LGI1: variants seen among roughly 807,000 people sequenced by gnomAD.
LGI1 encodes leucine rich glioma inactivated 1, also known as leucine-rich glioma-inactivated protein 1.
A neutral mutation model predicts 57.7 loss-of-function variants in LGI1; 11 were observed. The ratio of observed to expected loss-of-function variants is 0.19; its 90% CI spans 0.12 to 0.32. The LOEUF is 0.32. Among genes scored for constraint, LGI1 ranks in the 10% least tolerant of loss-of-function variants. LGI1 has a pLI of 1.00. For synonymous variants in LGI1, 222 were observed against 241.9 expected (o/e 0.92, Z 0.76); for missense variants, 422 against 661.9 (o/e 0.64, Z 3.98).
intron 2 of LGI1, among the ~76,000 whole-genome samples, chr10:93,774,230 G>A (rs2059769949): frequency 6.6e-6 from 1 of 152,016 alleles, no homozygotes; most frequent in South Asian, 2.1e-4. Context: ...AGTCTCCTAG[G>A]GAGCTTTTTA....
chr10:93,760,012 A>C (rs1372099500), intron 2 of LGI1, among the ~76,000 whole-genome samples: 2 of 152,250 alleles, frequency 1.3e-5, no homozygotes, highest in Non-Finnish European at 2.9e-5. Context: ...AAATGCTTAC[A>C]CATTTATAAA....
intron 2 of LGI1, among the ~76,000 whole-genome samples, chr10:93,759,660 A>C (rs893693706): frequency 1.3e-5 from 2 of 152,208 alleles, no homozygotes; most frequent in African/African-American, 2.4e-5. Flanking sequence ...CTGGACGGAT[A>C]TGGGCAGAAT....
intron 2 of LGI1, chr10:93,765,194 C>T (rs2059661508): frequency 6.6e-6 from 1 of 152,110 alleles, no homozygotes; most frequent in South Asian, 2.1e-4. Flanking sequence ...CTGCGTGATC[C>T]AATAGTTTGG....
intron 2 of LGI1, chr10:93,777,144 G>C: frequency 3.3e-6 from 2 of 604,590 alleles, no homozygotes; most frequent in Non-Finnish European, 5.9e-6. Flanking sequence ...CCCAGGGTAT[G>C]TGGCAGTCAT....
rs1564836882 is a variant in LGI1, at chr10:93,758,365, GC to G, written c.215+9del. ...CCTCCTGATGTTATCTCATTGTAAG[GC>G]CCGTAAGCATTTTGATATCTAATTT... On this transcript the variant is annotated splice_region_variant and intron_variant, in intron 1 of 7. Transcript: ENST00000371418. The surrounding 1 kb of genome is among the most constrained non-coding windows in gnomAD (Gnocchi z 4.7). 1.9e-6 allele frequency: 3 copies of G among 1,612,724 alleles called. No individual in the cohort carries two copies. Among genetic ancestry groups the G allele is most frequent in the Non-Finnish European group, 1.7e-6 (2 of 1,178,870 alleles).
intron 2 of LGI1, chr10:93,777,036 C>T (rs1489869629): frequency 2.6e-6 from 1 of 385,562 alleles, no homozygotes; most frequent in African/African-American, 2.1e-5. Context: ...CTAGAACAAG[C>T]AGAAAAGATT....
At chr10:93,778,911 G>A (rs2059821085) in intron 4 of LGI1, 2 of 152,140 alleles carry the variant, frequency 1.3e-5, no homozygotes, top group Non-Finnish European at 2.9e-5. Context: ...TTTCTCTCCT[G>A]TTGCTTGTTT....
chr10:93,786,709 C>T lies in LGI1; in HGVS notation c.432-3390C>T, dbSNP rs571147981. 1.2e-4 allele frequency among the ~76,000 whole-genome samples: 2 copies of T among 17,254 alleles called. 1 individual carries two copies. Among genetic ancestry groups the T allele is most frequent in the South Asian group, 0.059 (2 of 34 alleles). 11.3% of individuals were successfully genotyped at this position (17,254 alleles called of 152,430 possible). On this transcript the variant is annotated intron_variant, in intron 4 of 7. Transcript: ENST00000371418. ...GTTCTAGGCTCAAGCCATCCTCCAA[C>T]CTCAGCCTCCCAGAGTAACTAGGAC...
intron 5 of LGI1, chr10:93,792,474 T>C (rs2134020473): frequency 2.1e-6 from 1 of 483,798 alleles, no homozygotes; most frequent in Non-Finnish European, 3.7e-6. Context: ...ATACTGTTTC[T>C]ATTGACAGCA....
rs545650972 is a variant in LGI1, at chr10:93,797,317, G to T, written c.1188G>T (p.Thr396=). 1.2e-6 allele frequency: 2 copies of T among 1,614,134 alleles called. No individual in the cohort carries two copies. The highest frequency in any genetic ancestry group is 2.2e-5 in the East Asian group (1 of 44,882). The change falls in exon 8 of 8, where the codon ACG becomes ACT. Residue 396 remains threonine, a synonymous_variant. Transcript: ENST00000371418. This position sits in a 1 kb window ranked among gnomAD's most constrained non-coding sequence, Gnocchi z 6.5. ...TCAGAACACCTCAGACACTCAGAAC[G>T]CCTCATTTAATTCTGTCTAGTAGTT... ...EIVRTPQTLR[T]PHLILSSSSQ...
At position 93,758,979 on chromosome 10, in the gene LGI1, G is replaced by A; in HGVS notation, c.287+148G>A. ...CGTAAAGTGAGAGGTAGATGGGTTT[G>A]TTTGCGACTTCACACCAACAGTGCA... On this transcript the variant is annotated intron_variant, in intron 2 of 7. Transcript: ENST00000371418. The surrounding 1 kb of genome is among the most constrained non-coding windows in gnomAD (Gnocchi z 4.7). 1 of 675,818 alleles carries A rather than the reference G, an allele frequency of 1.5e-6. No individual in the cohort carries two copies. Among genetic ancestry groups the A allele is most frequent in the Non-Finnish European group, 2.6e-6 (1 of 384,366 alleles). The allele number at this position is 675,818 out of a possible 1,614,324, so 41.9% of individuals were successfully genotyped here. A position where few individuals can be genotyped will look rare whatever the true frequency, so the allele number is the denominator to read the frequency against.
chr10:93,763,868 C>T (rs1470415399), intron 2 of LGI1: 1 of 152,118 alleles, frequency 6.6e-6, no homozygotes, highest in Non-Finnish European at 1.5e-5. Context: ...CTAGTCTGTC[C>T]TGGGAAGGGT....
chr10:93,791,497 A>G (rs2059937998), intron 5 of LGI1: 1 of 152,116 alleles, frequency 6.6e-6, no homozygotes, highest in Admixed American at 6.5e-5. Flanking sequence ...TTTTGGACCT[A>G]CTCTAATATG....
Position 93,797,968 on chromosome 10 carries a change from C to T in LGI1, c.*165C>T. 1 of 662,056 alleles carries T rather than the reference C, an allele frequency of 1.5e-6. No homozygotes were observed. The highest frequency in any genetic ancestry group is 2.7e-5 in the East Asian group (1 of 36,808). The allele number at this position is 662,056 out of a possible 1,614,324, so 41.0% of individuals were successfully genotyped here. A position where few individuals can be genotyped will look rare whatever the true frequency, so the allele number is the denominator to read the frequency against. ...GTATCTCCATCCTTAACTGTCCAGT[C>T]CAGTGATGTGGGAAGTTACCTTTTA... On this transcript the variant is annotated 3_prime_UTR_variant, in exon 8 of 8. Transcript: ENST00000371418. The surrounding 1 kb of genome is among the most constrained non-coding windows in gnomAD (Gnocchi z 6.5).
Position 93,798,099 on chromosome 10 carries a change from A to G in LGI1, c.*296A>G. On this transcript the variant is annotated 3_prime_UTR_variant, in exon 8 of 8. Coordinates refer to ENST00000371418, the MANE Select transcript of LGI1 (RefSeq NM_005097.4). ...AAGAAATATTAATATGTACTTTTCC[A>G]TTTATTTATTCATGTGTACAGAAAC... 2.5e-6 allele frequency: 1 copy of G among 398,848 alleles called. No homozygotes were observed. The highest frequency in any genetic ancestry group is 5.2e-5 in the East Asian group (1 of 19,388). 24.7% of individuals were successfully genotyped at this position (398,848 alleles called of 1,614,324 possible).
Position 93,758,214 on chromosome 10 carries a change from T to C in LGI1, c.70T>C (p.Cys24Arg), listed in dbSNP as rs770793752. 1 of 1,614,234 alleles carries C rather than the reference T, an allele frequency of 6.2e-7. No individual in the cohort carries two copies. Among genetic ancestry groups the C allele is most frequent in the East Asian group, 2.2e-5 (1 of 44,894 alleles). The part of the protein sequence containing the change: ...IPLKRIAYFL[C>R]LLSALLLTEG... ...CCTGAAAAGAATTGCTTATTTCCTA[T>C]GTCTCTTATCTGCGCTTTTGCTGAC... is the stretch of plus-strand genomic sequence containing the variant. Residue 24 changes from cysteine to arginine, a missense_variant, in exon 1 of 8, where the codon TGT becomes CGT. By Grantham distance (180) the Cys-to-Arg change is radical. Coordinates refer to ENST00000371418, the MANE Select transcript of LGI1 (RefSeq NM_005097.4). This position sits in a 1 kb window ranked among gnomAD's most constrained non-coding sequence, Gnocchi z 4.7.
At chr10:93,783,965 T>C (rs2059873492) in intron 4 of LGI1, among the ~76,000 whole-genome samples, 1 of 152,160 alleles carries the variant, frequency 6.6e-6, no homozygotes, top group Non-Finnish European at 1.5e-5. Flanking sequence ...TGAGCCGAGA[T>C]AGCGCCACTG....
At chr10:93,760,068 A>G (rs2059607064) in intron 2 of LGI1, among the ~76,000 whole-genome samples, 1 of 152,164 alleles carries the variant, frequency 6.6e-6, no homozygotes, top group African/African-American at 2.4e-5. Context: ...GCTAAAAGTC[A>G]CTCATCTATT....
chr10:93,797,334 C>G lies in LGI1; in HGVS notation c.1205C>G (p.Ser402Cys), dbSNP rs769422822. Residue 402 changes from serine (S) to cysteine (C), a missense_variant, in exon 8 of 8, where the codon TCT becomes TGT. By Grantham distance (112) the Ser-to-Cys change is moderately radical. Around this residue, in one of 3 missense-constraint regions of LGI1, gnomAD observed 301 missense variants for 461.7 expected, o/e 0.65. Coordinates refer to ENST00000371418, the MANE Select transcript of LGI1 (RefSeq NM_005097.4). The surrounding 1 kb of genome is among the most constrained non-coding windows in gnomAD (Gnocchi z 6.5). Reference sequence around the variant, plus strand: ...CTCAGAACGCCTCATTTAATTCTGTCTAGTAGTTCCCAGCGTCCTGTAATT... The same window carrying G: ...CTCAGAACGCCTCATTTAATTCTGTGTAGTAGTTCCCAGCGTCCTGTAATT... Reference protein sequence around the residue: ...QTLRTPHLILSSSSQRPVIYQ... With the variant: ...QTLRTPHLILCSSSQRPVIYQ... 1.9e-6 allele frequency: 3 copies of G among 1,614,056 alleles called. No individual in the cohort carries two copies.
Sources: gnomAD v4.1 joint callset for allele counts (sites outside exome capture counted in the v4.1 genomes callset) on GRCh38, gnomAD v4.1.1 for gene constraint, gnomAD v4.1.1 regional missense constraint, Gnocchi (gnomAD v3.1) non-coding constraint, MANE v1.5 for transcripts, NCBI Gene and HGNC (gene_info 2026-07-23, HGNC 2026-07-21) for gene names.